EYS: variants seen among roughly 807,000 people sequenced by gnomAD.
EYS encodes EGF-like photoreceptor maintenance factor, also known as protein eyes shut homolog.
EYS carries 250 observed loss-of-function variants against 282.1 expected under a neutral mutation model. That is an observed-to-expected ratio of 0.89 (90% CI 0.80 to 0.98). The LOEUF (loss-of-function observed/expected upper bound fraction) is 0.98, where lower values mean the gene tolerates loss of function less well. Among genes scored for constraint, EYS ranks in the 50% least tolerant of loss-of-function variants. The pLI is 0.00. For synonymous variants in EYS, 1,355 were observed against 1,282.9 expected, an observed-to-expected ratio of 1.06 and a Z score of -1.20; for missense variants, 4,016 against 3,709.0, an observed-to-expected ratio of 1.08 and a Z score of -2.15.
chr6:64,226,117 C>G (rs1450706840), intron 31 of EYS, among the ~76,000 whole-genome samples: 1 of 152,078 alleles, frequency 6.6e-6, no homozygotes, highest in Admixed American at 6.6e-5. Context: ...TTTCCCTTGC[C>G]TTCTTAGCTA....
chr6:64,316,659 T>C (rs1298952563), intron 29 of EYS, among the ~76,000 whole-genome samples: 1 of 152,172 alleles, frequency 6.6e-6, no homozygotes, highest in Admixed American at 6.5e-5. Context: ...ATAGATTCAA[T>C]TCTATCCCCA....
At position 64,000,168 on chromosome 6, in the gene EYS, C is replaced by CCT. The variant is rs1768014947; in HGVS notation, c.6726-986_6726-985insAG. Among the ~76,000 whole-genome samples the CCT allele has an allele frequency of 9.6e-4, 41 of 42,716 alleles. 1 individual carries two copies. Among genetic ancestry groups the CCT allele is most frequent in the African/African-American group, 3.4e-3 (39 of 11,382 alleles). 28.0% of individuals were successfully genotyped at this position (42,716 alleles called of 152,430 possible). ...CTGAGGAGTTTCCCAAGACATGGGA[C>CCT]TTTTTTTTTTTTTTTTTTTTTTTTT... is the stretch of plus-strand genomic sequence containing the variant. On this transcript the variant is annotated intron_variant, in intron 33 of 42. Coordinates refer to ENST00000503581, the MANE Select transcript of EYS (RefSeq NM_001142800.2).
At chr6:65,706,512 AAAAT>A (rs150627846) in intron 1 of EYS, among the ~76,000 whole-genome samples, 30,806 of 151,810 alleles carry the variant, frequency 0.2, 3,465 homozygotes, top group African/African-American at 0.32. Flanking sequence ...TTTCTTTTTA[AAAAT>A]AAATAATCAC....
At chr6:65,074,894 C>T (rs970801786) in intron 12 of EYS, among the ~76,000 whole-genome samples, 12 of 151,884 alleles carry the variant, frequency 7.9e-5, no homozygotes, top group Non-Finnish European at 1.3e-4. Context: ...ACAGAAGAAA[C>T]GTTCACATAA....
intron 41 of EYS, among the ~76,000 whole-genome samples, chr6:63,729,819 C>T (rs902430556): frequency 4.6e-5 from 7 of 152,082 alleles, no homozygotes; most frequent in African/African-American, 1.7e-4. Flanking sequence ...TTTCCATAGC[C>T]CATCTCTCTT....
At chr6:65,346,205 C>G (rs924884478) in intron 9 of EYS, among the ~76,000 whole-genome samples, 32 of 151,848 alleles carry the variant, frequency 2.1e-4, no homozygotes, top group African/African-American at 7.5e-4. Flanking sequence ...CTTGTATGGT[C>G]AGTTTCCAGT....
chr6:63,934,227 G>A (rs1373299287), intron 35 of EYS, among the ~76,000 whole-genome samples: 1 of 152,120 alleles, frequency 6.6e-6, no homozygotes, highest in East Asian at 1.9e-4. Flanking sequence ...TTAGAACGGC[G>A]ATCATTAAAA....
chr6:65,055,538 C>CT (rs1419693168), intron 13 of EYS, among the ~76,000 whole-genome samples: 5 of 151,932 alleles, frequency 3.3e-5, no homozygotes, highest in Admixed American at 1.3e-4. Context: ...AAGCTGATGT[C>CT]TTTTTTTCTG....
At chr6:65,240,269 A>ATC (rs1767025780) in intron 12 of EYS, among the ~76,000 whole-genome samples, 1 of 151,928 alleles carries the variant, frequency 6.6e-6, no homozygotes, top group Non-Finnish European at 1.5e-5. Flanking sequence ...TGCCCGGCTG[A>ATC]TTTTTTTAAA....
At chr6:64,945,950 T>C (rs767713373) in intron 14 of EYS, 36 bp from the exon 15 acceptor site, 307 of 1,492,058 alleles carry the variant, frequency 2.1e-4, no homozygotes, top group Non-Finnish European at 2.5e-4. Context: ...TTTAGGCTAT[T>C]TCTTACTATT....
intron 31 of EYS, among the ~76,000 whole-genome samples, chr6:64,173,600 C>T (rs1764543959): frequency 6.6e-6 from 1 of 152,112 alleles, no homozygotes; most frequent in South Asian, 2.1e-4. Flanking sequence ...AAAGGCCACT[C>T]ATACTTATTT....
intron 26 of EYS, among the ~76,000 whole-genome samples, chr6:64,482,936 G>T (rs754455766): frequency 6.6e-6 from 1 of 151,580 alleles, no homozygotes; most frequent in Non-Finnish European, 1.5e-5. Flanking sequence ...CAGTGGCAGC[G>T]TCCACTGACC....
chr6:64,677,531 T>C (rs934768974), intron 22 of EYS, among the ~76,000 whole-genome samples: 1 of 152,138 alleles, frequency 6.6e-6, no homozygotes, highest in Non-Finnish European at 1.5e-5. Context: ...TCATGGTGTC[T>C]TAAAGGTAGT....
In EYS at chr6:64,162,998, G is replaced by C. The variant is rs184509743; in HGVS notation, c.6424+67594C>G. On this transcript the variant is annotated intron_variant, in intron 31 of 42. Coordinates refer to ENST00000503581, the MANE Select transcript of EYS (RefSeq NM_001142800.2). ...CTTGCTCATGGAAATAGATACTAAG[G>C]GAAAAAGACATACTGTCTCTGTCTT... 6.3e-3 allele frequency among the ~76,000 whole-genome samples: 960 copies of C among 152,056 alleles called. 5 individuals carry two copies. Among genetic ancestry groups the C allele is most frequent in the African/African-American group, 0.022 (893 of 41,502 alleles).
chr6:63,965,433 G>A (rs1201135121), intron 35 of EYS, among the ~76,000 whole-genome samples: 1 of 152,092 alleles, frequency 6.6e-6, no homozygotes, highest in Non-Finnish European at 1.5e-5. Flanking sequence ...TAATTGGTTT[G>A]TTTTCAATTT....
chr6:64,658,437 A>C (rs1212108780), intron 22 of EYS, among the ~76,000 whole-genome samples: 1 of 152,104 alleles, frequency 6.6e-6, no homozygotes, highest in African/African-American at 2.4e-5. Context: ...TCTGATTTTT[A>C]GAGTTTCCAG....
chr6:64,706,724 A>G (rs911081436), intron 22 of EYS, among the ~76,000 whole-genome samples: 8 of 152,246 alleles, frequency 5.3e-5, no homozygotes, highest in African/African-American at 1.9e-4. Flanking sequence ...ATTCATTATC[A>G]CTAATGATCA....
intron 5 of EYS, among the ~76,000 whole-genome samples, chr6:65,462,105 C>T (rs1764845658): frequency 1.3e-5 from 2 of 151,986 alleles, no homozygotes; most frequent in African/African-American, 2.4e-5. Flanking sequence ...AATTTTGGGA[C>T]ATTTGTATAA....
intron 26 of EYS, among the ~76,000 whole-genome samples, chr6:64,560,583 T>A (rs909159048): frequency 6.6e-6 from 1 of 152,090 alleles, no homozygotes; most frequent in Non-Finnish European, 1.5e-5. Context: ...GCCTAATTCA[T>A]CAGACTTCAA....
Sources: gnomAD v4.1 joint callset for allele counts (sites outside exome capture counted in the v4.1 genomes callset) on GRCh38, gnomAD v4.1.1 for gene constraint, MANE v1.5 for transcripts, NCBI Gene and HGNC (gene_info 2026-07-23, HGNC 2026-07-21) for gene names.